The following ADGRF1 variants were observed in gnomAD, a reference collection of about 807,000 sequenced individuals.
ADGRF1 encodes G protein-coupled receptor 110.
In ADGRF1, 85 loss-of-function variants were observed where a neutral mutation model predicts 87.2. The observed-to-expected ratio is 0.97, with a 90% CI of 0.82 to 1.17. ADGRF1 has a LOEUF of 1.17. Ranked by LOEUF, ADGRF1 falls within the 50% of genes most tolerant of loss-of-function variation. The pLI, the probability that ADGRF1 is intolerant of heterozygous loss-of-function variation, is 0.00. For missense variants in ADGRF1, 1,169 were observed against 1,077.2 expected (o/e 1.09, Z -1.19); for synonymous variants, 430 against 408.8 (o/e 1.05, Z -0.63).
In ADGRF1 at chr6:47,009,358, T is replaced by G. The variant is rs568877287; in HGVS notation, c.2077A>C (p.Met693Leu). The G allele has an allele frequency of 1.2e-6, 2 of 1,614,118 alleles. No individual in the cohort carries two copies. Among genetic ancestry groups the G allele is most frequent in the Middle Eastern group, 1.7e-4 (1 of 6,060 alleles). The change falls in exon 11 of 15, where the codon ATG becomes CTG. Residue 693 changes from methionine (M) to leucine (L), a missense_variant. Coordinates refer to ENST00000371253, the MANE Select transcript of ADGRF1 (RefSeq NM_153840.4). Reference sequence around the variant, plus strand: ...ACAGCCATCATCAAATGCTGGGCCATGTGATGGAACACGAGGATGATCCGG... The same window carrying G: ...ACAGCCATCATCAAATGCTGGGCCAGGTGATGGAACACGAGGATGATCCGG... ...AYRIILVFHH[M>L]AQHLMMAVGF...
At chr6:47,017,132 C>T (rs1298864230) in intron 7 of ADGRF1, 5 of 152,260 alleles carry the variant, frequency 3.3e-5, no homozygotes, top group African/African-American at 1.2e-4. Flanking sequence ...AATGTCAGCA[C>T]AAGTAAAGGT....
chr6:47,020,964 G>T (rs1015509157), intron 6 of ADGRF1, among the ~76,000 whole-genome samples, 175 bp from the exon 7 acceptor site: 10 of 152,146 alleles, frequency 6.6e-5, no homozygotes, highest in African/African-American at 2.4e-4. Flanking sequence ...TAACAGTTGT[G>T]AATGTATACA....
intron 11 of ADGRF1, among the ~76,000 whole-genome samples, chr6:47,008,627 C>A (rs1281725063): frequency 6.6e-6 from 1 of 152,168 alleles, no homozygotes; most frequent in East Asian, 1.9e-4. Context: ...ATTTCCCTTT[C>A]TCTGTTTAAT....
Position 47,025,849 on chromosome 6 carries a change from C to A in ADGRF1, c.277+5G>T. The A allele has an allele frequency of 6.3e-7, 1 of 1,579,222 alleles. No individual in the cohort carries two copies. ...TATACATCCAGTCACCGAGAGCCAC[C>A]TTACCTGTGGTAGCCTTTGCTCTGA... On this transcript the variant is annotated splice_donor_5th_base_variant and intron_variant, in intron 4 of 14. Coordinates refer to ENST00000371253, the MANE Select transcript of ADGRF1 (RefSeq NM_153840.4).
At chr6:47,036,334 T>C (rs1470148348) in intron 1 of ADGRF1, among the ~76,000 whole-genome samples, 1 of 152,172 alleles carries the variant, frequency 6.6e-6, no homozygotes, top group African/African-American at 2.4e-5. Context: ...ACCCCAAACC[T>C]CAACATTACA....
chr6:47,039,308 TG>T (rs1298619682), intron 1 of ADGRF1, among the ~76,000 whole-genome samples: 63 of 152,358 alleles, frequency 4.1e-4, no homozygotes, highest in African/African-American at 1.4e-3. Flanking sequence ...CATACCTCAT[TG>T]CTGCTCATCT....
At chr6:47,040,194 G>A (rs780563054) in intron 1 of ADGRF1, among the ~76,000 whole-genome samples, 7 of 152,120 alleles carry the variant, frequency 4.6e-5, no homozygotes, top group Admixed American at 1.3e-4. Flanking sequence ...GCTGAGCGTG[G>A]TGGCTCACGC....
chr6:47,020,684 G>A, intron 7 of ADGRF1, 47 bp downstream of exon 7: 1 of 1,600,896 alleles, frequency 6.2e-7, no homozygotes, highest in Non-Finnish European at 8.6e-7. Context: ...TTGCAGAACT[G>A]GTGCCCAATT....
At chr6:47,035,920 G>C (rs138145853) in intron 1 of ADGRF1, among the ~76,000 whole-genome samples, 252 of 152,120 alleles carry the variant, frequency 1.7e-3, no homozygotes, top group African/African-American at 5.7e-3. Context: ...GAGAGGGAGA[G>C]GGGGAGAGGG....
Position 47,009,840 on chromosome 6 carries a change from G to A in ADGRF1, c.1595C>T (p.Pro532Leu). ...FSKIESNLSQ[P>L]HCVFWDFSHL... Reference sequence around the variant, plus strand: ...ACTGAAATCCCAAAACACACAATGAGGCTGGCTCAGGTTTGACTCTATCTT... The same window carrying A: ...ACTGAAATCCCAAAACACACAATGAAGCTGGCTCAGGTTTGACTCTATCTT... The change falls in exon 11 of 15, where the codon CCT (proline) becomes CTT (leucine). Residue 532 changes from proline (P) to leucine (L), a missense_variant. Physicochemically the swap from Pro to Leu is moderately conservative, Grantham distance 98. Coordinates refer to ENST00000371253, the MANE Select transcript of ADGRF1 (RefSeq NM_153840.4). The A allele has an allele frequency of 2.5e-6, 4 of 1,614,050 alleles. No individual in the cohort carries two copies. Among genetic ancestry groups the A allele is most frequent in the Non-Finnish European group, 3.4e-6 (4 of 1,179,988 alleles).
At chr6:47,038,877 G>A (rs1400172877) in intron 1 of ADGRF1, among the ~76,000 whole-genome samples, 1 of 152,162 alleles carries the variant, frequency 6.6e-6, no homozygotes, top group Non-Finnish European at 1.5e-5. Context: ...GAAATAATTA[G>A]CTTGATTATC....
chr6:47,018,254 T>G, intron 7 of ADGRF1: 21 of 571,322 alleles, frequency 3.7e-5, no homozygotes, highest in Non-Finnish European at 5.5e-5. Context: ...TGAAAGCACA[T>G]GAGATCAATA....
intron 12 of ADGRF1, among the ~76,000 whole-genome samples, 171 bp from the exon 13 acceptor site, chr6:47,006,047 A>G (rs1396764454): frequency 3.3e-5 from 5 of 152,202 alleles, no homozygotes; most frequent in African/African-American, 1.2e-4. Flanking sequence ...CTCTTTACCT[A>G]TAAACAAAAC....
intron 8 of ADGRF1, 89 bp from the exon 9 acceptor site, chr6:47,014,933 G>A (rs1163140682): frequency 1.3e-5 from 18 of 1,405,428 alleles, no homozygotes. Context: ...AAATGTTTTA[G>A]AACTCATTTT....
At chr6:47,028,797 G>A (rs116026893) in intron 2 of ADGRF1, among the ~76,000 whole-genome samples, 196 bp downstream of exon 2, 21 of 152,238 alleles carry the variant, frequency 1.4e-4, no homozygotes, top group African/African-American at 4.6e-4. Flanking sequence ...TCTAAGCTCC[G>A]AAGAGATGAA....
rs1349972155 is a variant in ADGRF1 at position 47,009,025 on chromosome 6, A to G, written c.2410T>C (p.Trp804Arg). 6.2e-7 allele frequency: 1 copy of G among 1,614,036 alleles called. No individual in the cohort carries two copies. The change falls in exon 11 of 15, where the codon TGG (tryptophan) becomes CGG (arginine). Residue 804 changes from tryptophan (W) to arginine (R), a missense_variant. Physicochemically the swap from Trp to Arg is moderately radical, Grantham distance 101. Transcript: ENST00000371253. ...LILTPLLGLTWGFGIGTIVDS... is the reference protein window; with the variant it reads ...LILTPLLGLTRGFGIGTIVDS... ...ACTATTGTTCCTATTCCAAAGCCCC[A>G]GGTGAGCCCTAGCAGAGGGGTCAGA...
rs955673133 is a variant in ADGRF1 at position 46,998,548 on chromosome 6, G to A, written c.*1674C>T. On this transcript the variant is annotated 3_prime_UTR_variant, in exon 15 of 15. Coordinates refer to ENST00000371253, the MANE Select transcript of ADGRF1 (RefSeq NM_153840.4). Reference sequence around the variant, plus strand: ...CTATTCTCAACACAGAACTCATTCAGGGCTCTACTACCGGAGCTGTGGCCA... The same window carrying A: ...CTATTCTCAACACAGAACTCATTCAAGGCTCTACTACCGGAGCTGTGGCCA... 2 of 152,208 alleles carry A rather than the reference G, an allele frequency of 1.3e-5. No individual in the cohort carries two copies. The highest frequency in any genetic ancestry group is 4.8e-5 in the African/African-American group (2 of 41,426). The allele number at this position is 152,208 out of a possible 1,614,324, so 9.4% of individuals were successfully genotyped here. A position where few individuals can be genotyped will look rare whatever the true frequency, so the allele number is the denominator to read the frequency against.
chr6:47,018,675 G>GCCTC, intron 7 of ADGRF1: 1 of 1,115,138 alleles, frequency 9.0e-7, no homozygotes, highest in Non-Finnish European at 1.2e-6. Context: ...ACTTTGGGAG[G>GCCTC]CCAAGGTGTG....
rs968506938 is a variant in ADGRF1, at chr6:47,024,230, T to C, written c.278-13A>G. ...AGGCTGTTGCAGTCTGCACAAGAAATAGAACTCAGTCTCATGGATTCTGGT... is the reference window on the plus strand; with the variant it reads ...AGGCTGTTGCAGTCTGCACAAGAAACAGAACTCAGTCTCATGGATTCTGGT... On this transcript the variant is annotated splice_polypyrimidine_tract_variant and intron_variant, in intron 4 of 14. Coordinates refer to ENST00000371253, the MANE Select transcript of ADGRF1 (RefSeq NM_153840.4). 6.2e-7 allele frequency: 1 copy of C among 1,604,716 alleles called. No individual in the cohort carries two copies. Among genetic ancestry groups the C allele is most frequent in the Non-Finnish European group, 8.5e-7 (1 of 1,172,958 alleles).
Sources: allele counts gnomAD v4.1 joint callset (sites outside exome capture counted in the v4.1 genomes callset), GRCh38; gene constraint gnomAD v4.1.1; transcripts MANE v1.5; gene names NCBI Gene and HGNC (gene_info 2026-07-23, HGNC 2026-07-21).